The following TNS1 variants were observed in gnomAD, a reference collection of about 807,000 sequenced individuals.
TNS1 encodes the protein tensin 1, also known as tensin-1.
Under a neutral mutation model 168.6 loss-of-function variants are expected in TNS1, and 62 were observed. The ratio of observed to expected loss-of-function variants is 0.37; its 90% confidence interval spans 0.30 to 0.45. The LOEUF is 0.45. TNS1 is among the 20% of genes least tolerant of loss of function. TNS1 has a pLI of 1.00. For synonymous variants in TNS1, 934 were observed against 933.2 expected (o/e 1.00, Z -0.02); for missense variants, 2,240 against 2,339.4 (o/e 0.96, Z 0.88).
intron 18 of TNS1, among the ~76,000 whole-genome samples, chr2:217,862,870 G>C (rs1948912636): frequency 6.6e-6 from 1 of 152,198 alleles, no homozygotes; most frequent in Admixed American, 6.5e-5. Context: ...GTAGGATATT[G>C]GTGGACAATT....
chr2:217,966,454 A>G (rs1450619109), intron 3 of TNS1, among the ~76,000 whole-genome samples: 3 of 152,220 alleles, frequency 2.0e-5, no homozygotes, highest in African/African-American at 7.2e-5. Context: ...ATCCATCCCC[A>G]GCGAAGCTGA....
At chr2:217,912,945 C>T (rs1954596591) in intron 4 of TNS1, among the ~76,000 whole-genome samples, 1 of 152,204 alleles carries the variant, frequency 6.6e-6, no homozygotes, top group South Asian at 2.1e-4. Flanking sequence ...CACCTTTCTG[C>T]AAATGAGGAG....
chr2:217,808,153 C>T, intron 31 of TNS1, 46 bp from the exon 32 acceptor site: 14 of 1,605,662 alleles, frequency 8.7e-6, no homozygotes, highest in Non-Finnish European at 1.2e-5. Context: ...TACTTTCTCC[C>T]TAGAGCCCAG....
intron 1 of TNS1, among the ~76,000 whole-genome samples, chr2:218,031,943 T>C (rs1342690243): frequency 1.3e-5 from 2 of 152,086 alleles, no homozygotes; most frequent in African/African-American, 4.8e-5. Flanking sequence ...TCCCGCCCCA[T>C]CCACAAGCAC....
In TNS1 at chr2:217,989,880, T is replaced by G. The variant is rs556238421; in HGVS notation, c.148+1062A>C. Among the ~76,000 whole-genome samples, 3 of 151,620 alleles carry G rather than the reference T, an allele frequency of 2.0e-5. No homozygotes were observed. In the South Asian group the frequency reaches 6.3e-4, roughly 32 times the overall value. On this transcript the variant is annotated intron_variant, in intron 2 of 32. Transcript: ENST00000682258. ...ACCTCAATGCACCTGCCACAAACCC[T>G]CCACACAGCTTCTACATACAGACCA...
chr2:218,003,122 A>T (rs969821331), upstream of TNS1: 1 of 360,874 alleles, frequency 2.8e-6, no homozygotes, highest in Non-Finnish European at 5.5e-6. Context: ...CTTGAGGGTC[A>T]GGAACCCTGC....
At chr2:217,930,837 G>A (rs775848767) in intron 3 of TNS1, among the ~76,000 whole-genome samples, 2 of 152,182 alleles carry the variant, frequency 1.3e-5, no homozygotes, top group African/African-American at 4.8e-5. Flanking sequence ...CAAAAAGCAG[G>A]AAAACCCCAC....
chr2:217,955,916 C>T (rs12466291), intron 3 of TNS1, among the ~76,000 whole-genome samples: 9,823 of 152,210 alleles, frequency 0.065, 1,073 homozygotes, highest in African/African-American at 0.22. Flanking sequence ...TCAGCACACA[C>T]AAACAGGTAA....
intron 1 of TNS1, among the ~76,000 whole-genome samples, chr2:217,993,306 C>T (rs1958411447): frequency 7.9e-5 from 12 of 152,206 alleles, no homozygotes; most frequent in Admixed American, 7.9e-4. Context: ...ACGTCATCTC[C>T]AAGCACCTCC....
chr2:217,891,318 G>T (rs940677417), intron 11 of TNS1, among the ~76,000 whole-genome samples: 1 of 152,166 alleles, frequency 6.6e-6, no homozygotes, highest in Admixed American at 6.5e-5. Flanking sequence ...CCACTTATGA[G>T]CCCCGTGTCC....
intron 1 of TNS1, among the ~76,000 whole-genome samples, chr2:218,017,656 G>A (rs10177275): frequency 0.34 from 51,513 of 152,182 alleles, 9,068 homozygotes; most frequent in East Asian, 0.42. Flanking sequence ...ATGTGACCTT[G>A]GGGAGTTATT....
intron 18 of TNS1, among the ~76,000 whole-genome samples, chr2:217,851,474 C>CA (rs1947485843): frequency 1.3e-5 from 2 of 150,600 alleles, no homozygotes; most frequent in Non-Finnish European, 3.0e-5. Flanking sequence ...CACACACACA[C>CA]CCCAGGGACT....
chr2:217,923,950 C>G (rs1955871406), intron 3 of TNS1, among the ~76,000 whole-genome samples: 3 of 152,172 alleles, frequency 2.0e-5, no homozygotes, highest in African/African-American at 7.2e-5. Context: ...GAGCACAATG[C>G]CAACAACAGG....
chr2:217,997,854 A>G (rs1345164226), intron 1 of TNS1, among the ~76,000 whole-genome samples: 2 of 152,240 alleles, frequency 1.3e-5, no homozygotes, highest in Admixed American at 6.5e-5. Flanking sequence ...ATTACCTGCC[A>G]GGTAGACGTG....
At chr2:218,027,021 G>A (rs1467751255) in intron 1 of TNS1, among the ~76,000 whole-genome samples, 1 of 152,148 alleles carries the variant, frequency 6.6e-6, no homozygotes, top group Non-Finnish European at 1.5e-5. Context: ...GGGAAGTCAG[G>A]GAGGAGGAAG....
Position 217,974,853 on chromosome 2 carries a change from CCTG to C in TNS1, c.186+3909_186+3911del, listed in dbSNP as rs535689550. ...CTCCTAGCTGCCAGGTCAGCATTGC[CCTG>C]TCTCTGGGCATCTGTAGTGTCACCC... On this transcript the variant is annotated intron_variant, in intron 3 of 32. Coordinates refer to ENST00000682258, the MANE Select transcript of TNS1 (RefSeq NM_001387777.1). Among the ~76,000 whole-genome samples the C allele has an allele frequency of 4.1e-3, 622 of 152,292 alleles. 5 individuals are homozygous for C. Among genetic ancestry groups the C allele is most frequent in the African/African-American group, 0.014 (573 of 41,552 alleles).
At chr2:217,932,980 G>T (rs571032321) in intron 3 of TNS1, among the ~76,000 whole-genome samples, 57 of 152,312 alleles carry the variant, frequency 3.7e-4, no homozygotes, top group Middle Eastern at 3.4e-3. Flanking sequence ...CAAGCAGAAA[G>T]TCCCGAGGGC....
intron 1 of TNS1, among the ~76,000 whole-genome samples, chr2:217,999,038 T>C (rs985961004): frequency 2.0e-5 from 3 of 152,092 alleles, no homozygotes; most frequent in Non-Finnish European, 4.4e-5. Flanking sequence ...AGCCAAATGA[T>C]GGGATGCTTC....
chr2:217,841,161 G>T lies in TNS1; in HGVS notation c.3008-4950C>A, dbSNP rs1945895859. On this transcript the variant is annotated intron_variant, in intron 19 of 32. Transcript: ENST00000682258. The stretch of plus-strand genomic sequence containing the variant: ...AACTGATGCTCAAAAGTGGGCCAAA[G>T]AGCTGGAAAGGGAGAAGGGGGAAGG... The T allele has an allele frequency of 8.4e-6, 8 of 950,928 alleles. 1 individual carries two copies. In the South Asian group the frequency reaches 3.9e-4, roughly 46 times the overall value. 58.9% of individuals were successfully genotyped at this position (950,928 alleles called of 1,614,324 possible). A position where few individuals can be genotyped will look rare whatever the true frequency, so the allele number is the denominator to read the frequency against.
Sources: gnomAD v4.1 joint callset for allele counts (sites outside exome capture counted in the v4.1 genomes callset) on GRCh38, gnomAD v4.1.1 for gene constraint, MANE v1.5 for transcripts, NCBI Gene and HGNC (gene_info 2026-07-23, HGNC 2026-07-21) for gene names.